ACAD10: variants seen among roughly 807,000 people sequenced by gnomAD.
ACAD10 encodes the protein ACAD-10.
A neutral mutation model predicts 116.8 loss-of-function variants in ACAD10; 112 were observed. That is an observed-to-expected ratio of 0.96 (90% confidence interval 0.82 to 1.12). The LOEUF (loss-of-function observed/expected upper bound fraction) is 1.12. Ranked by LOEUF, ACAD10 falls within the 50% of genes most tolerant of loss-of-function variation. The probability of loss-of-function intolerance (pLI) is 0.00; values close to 1 mark genes in which losing one functional copy is unlikely to be tolerated. For synonymous variants in ACAD10, 486 were observed against 510.6 expected (o/e 0.95, Z 0.65); for missense variants, 1,259 against 1,350.2 (o/e 0.93, Z 1.06).
intron 12 of ACAD10, among the ~76,000 whole-genome samples, chr12:111,741,995 C>G (rs1182884354): frequency 6.6e-6 from 1 of 152,150 alleles, no homozygotes; most frequent in Non-Finnish European, 1.5e-5. Flanking sequence ...GCCCATGTGT[C>G]CTTCTCCTTC....
chr12:111,711,844 A>G (rs547783284), intron 5 of ACAD10, among the ~76,000 whole-genome samples: 7 of 152,322 alleles, frequency 4.6e-5, no homozygotes, highest in South Asian at 4.1e-4. Context: ...GCTAGCTGCA[A>G]TAAAGAAATT....
At chr12:111,751,982 C>T (rs1445657283) in intron 18 of ACAD10, among the ~76,000 whole-genome samples, 5 of 150,340 alleles carry the variant, frequency 3.3e-5, no homozygotes, top group African/African-American at 1.2e-4. Context: ...CGCCTGAACC[C>T]GGGAGGTGGA....
intron 12 of ACAD10, among the ~76,000 whole-genome samples, chr12:111,741,073 A>G (rs1432881293): frequency 6.6e-6 from 1 of 152,180 alleles, no homozygotes; most frequent in Non-Finnish European, 1.5e-5. Context: ...TCCTGGAGAT[A>G]CACAGTCATG....
chr12:111,721,863 T>C, intron 8 of ACAD10, 124 bp downstream of exon 8: 1 of 638,484 alleles, frequency 1.6e-6, no homozygotes, highest in Middle Eastern at 2.7e-4. Context: ...AGAAACTTTA[T>C]CACAACCTCT....
At position 111,723,539 on chromosome 12, in the gene ACAD10, C is replaced by T. The variant is rs1486889751; in HGVS notation, c.1061+1800C>T. Among the ~76,000 whole-genome samples, 180 of 127,030 alleles carry T rather than the reference C, an allele frequency of 1.4e-3. 2 individuals are homozygous for T. Among genetic ancestry groups the T allele is most frequent in the African/African-American group, 3.3e-3 (111 of 33,238 alleles). 83.3% of individuals were successfully genotyped at this position (127,030 alleles called of 152,430 possible). On this transcript the variant is annotated intron_variant, in intron 8 of 20. Coordinates refer to ENST00000313698, the MANE Select transcript of ACAD10 (RefSeq NM_025247.6). ...GGGGCTCCTCACTTCCCAGTAGGGGCGGCCAGGCAGAGGCGCCCCTCACCT... is the reference window on the plus strand; with the variant it reads ...GGGGCTCCTCACTTCCCAGTAGGGGTGGCCAGGCAGAGGCGCCCCTCACCT...
intron 16 of ACAD10, among the ~76,000 whole-genome samples, chr12:111,748,110 T>G (rs986204810): frequency 6.6e-6 from 1 of 152,226 alleles, no homozygotes; most frequent in Non-Finnish European, 1.5e-5. Flanking sequence ...CTTGCTCTTA[T>G]GATGTTGGAT....
intron 6 of ACAD10, chr12:111,715,559 C>A (rs566386623): frequency 8.3e-5 from 35 of 422,502 alleles, no homozygotes; most frequent in Middle Eastern, 1.3e-3. Flanking sequence ...TGGACACCTG[C>A]ACAAACTGAG....
rs370607706 is a variant in ACAD10, at chr12:111,692,678, G to A, written c.-13-19G>A. On this transcript the variant is annotated intron_variant, in intron 1 of 20. Transcript: ENST00000313698. ...AGGCAGTGCAGGCAAGTAACGCCCT[G>A]TGCCTTCTTCCCACACAGCCTCAGC... The A allele has an allele frequency of 1.2e-5, 19 of 1,603,334 alleles. No individual in the cohort carries two copies. In the African/African-American group the frequency reaches 2.4e-4, roughly 20 times the overall value.
chr12:111,746,951 G>A, intron 14 of ACAD10, 98 bp from the exon 15 acceptor site: 1 of 1,478,092 alleles, frequency 6.8e-7, no homozygotes, highest in Non-Finnish European at 9.0e-7. Context: ...AGTGAGCCAT[G>A]ATCGTGCCAC....
At chr12:111,717,551 G>A (rs965913522) in intron 7 of ACAD10, among the ~76,000 whole-genome samples, 2 of 151,520 alleles carry the variant, frequency 1.3e-5, no homozygotes, top group Admixed American at 1.3e-4. Context: ...GATACAAACT[G>A]CATATATAGT....
Position 111,722,399 on chromosome 12 carries a change from A to ATTTT in ACAD10, c.1061+663_1061+666dup, listed in dbSNP as rs1046417085. Among the ~76,000 whole-genome samples, 63 of 150,538 alleles carry ATTTT rather than the reference A, an allele frequency of 4.2e-4. No homozygotes were observed. The East Asian group carries it at 0.011, about 26-fold the overall frequency. On this transcript the variant is annotated intron_variant, in intron 8 of 20. Coordinates refer to ENST00000313698, the MANE Select transcript of ACAD10 (RefSeq NM_025247.6). ...TATTTATTTATTTATTTATTTATTT[A>ATTTT]TTTTTTATTGATAATTCTTGGGTGT... is the stretch of plus-strand genomic sequence containing the variant.
chr12:111,692,991 G>A (rs561155754), intron 2 of ACAD10, 95 bp downstream of exon 2: 20 of 1,407,852 alleles, frequency 1.4e-5, no homozygotes, highest in Non-Finnish European at 1.8e-5. Context: ...TTGGGCAGCA[G>A]TGTGTCCCAG....
chr12:111,708,604 G>A (rs1888579497), intron 4 of ACAD10, among the ~76,000 whole-genome samples: 1 of 152,022 alleles, frequency 6.6e-6, no homozygotes, highest in South Asian at 2.1e-4. Context: ...TAGAGAGAGG[G>A]GCCACTGGGT....
At chr12:111,705,685 G>T (rs1009279865) in intron 3 of ACAD10, 53 bp from the exon 4 acceptor site, 1 of 1,510,176 alleles carries the variant, frequency 6.6e-7, no homozygotes, top group Admixed American at 1.9e-5. Context: ...TTGGCCATGA[G>T]TGTTTGTCAC....
At chr12:111,689,809 C>T (rs2135939957) in intron 1 of ACAD10, among the ~76,000 whole-genome samples, 1 of 151,672 alleles carries the variant, frequency 6.6e-6, no homozygotes, top group East Asian at 1.9e-4. Flanking sequence ...TCCGCCTCCC[C>T]AGTTCACACC....
In ACAD10 at chr12:111,692,808, A is replaced by G; in HGVS notation, c.99A>G (p.Arg33=). Residue 33 remains arginine (R), a synonymous_variant, in exon 2 of 21, where the codon CGA becomes CGG. Transcript: ENST00000313698. ...AGCGCAGGCACCAGGGGTCCCACCG[A>G]TGGACACACCTTGGAGGCAGCACCT... ...HTQRRHQGSH[R]WTHLGGSTYR... 2 of 1,614,202 alleles carry G rather than the reference A, an allele frequency of 1.2e-6. No homozygotes were observed. Among genetic ancestry groups the G allele is most frequent in the Middle Eastern group, 3.3e-4 (2 of 6,060 alleles).
At chr12:111,723,957 G>A (rs1280727926) in intron 8 of ACAD10, among the ~76,000 whole-genome samples, 6 of 150,466 alleles carry the variant, frequency 4.0e-5, no homozygotes, top group Admixed American at 6.6e-5. Flanking sequence ...CGGGGCGGCG[G>A]GGCAGAGGCG....
intron 16 of ACAD10, chr12:111,747,743 G>T: frequency 9.2e-7 from 1 of 1,081,228 alleles, no homozygotes. Context: ...ACATCCTAAG[G>T]GCTAATGACA....
chr12:111,728,736 C>G (rs1485089831), intron 9 of ACAD10, among the ~76,000 whole-genome samples: 1 of 152,124 alleles, frequency 6.6e-6, no homozygotes, highest in Non-Finnish European at 1.5e-5. Context: ...GTCGCCCACA[C>G]TGGAGTGTAG....
Sources: allele counts gnomAD v4.1 joint callset (sites outside exome capture counted in the v4.1 genomes callset), GRCh38; gene constraint gnomAD v4.1.1; transcripts MANE v1.5; gene names NCBI Gene and HGNC (gene_info 2026-07-23, HGNC 2026-07-21).